CRPPA: variants seen among roughly 807,000 people sequenced by gnomAD.
CRPPA encodes the protein D-ribitol-5-phosphate cytidylyltransferase.
Under a neutral mutation model 52.0 loss-of-function variants are expected in CRPPA, and 43 were observed. The ratio of observed to expected loss-of-function variants is 0.83; its 90% CI spans 0.65 to 1.07. CRPPA has a LOEUF of 1.07. Among genes scored for constraint, CRPPA ranks in the 50% least tolerant of loss-of-function variants. The pLI, the probability that CRPPA is intolerant of heterozygous loss-of-function variation, is 0.00. For missense variants in CRPPA, 629 were observed against 551.7 expected (o/e 1.14, Z -1.40); for synonymous variants, 250 against 203.5 (o/e 1.23, Z -1.94).
intron 3 of CRPPA, among the ~76,000 whole-genome samples, chr7:16,359,026 G>A (rs1029713676): frequency 1.3e-5 from 2 of 152,212 alleles, no homozygotes; most frequent in Non-Finnish European, 2.9e-5. Context: ...GTGTATGAAT[G>A]CAACAAAACT....
At chr7:16,352,043 G>C (rs965579930) in intron 3 of CRPPA, among the ~76,000 whole-genome samples, 1 of 152,102 alleles carries the variant, frequency 6.6e-6, no homozygotes, top group African/African-American at 2.4e-5. Context: ...ACTGGATAAA[G>C]AAAATGTGGC....
At chr7:16,254,063 G>A (rs953901045) in intron 8 of CRPPA, among the ~76,000 whole-genome samples, 6 of 152,104 alleles carry the variant, frequency 3.9e-5, no homozygotes, top group Non-Finnish European at 7.4e-5. Flanking sequence ...AGTTAGAATG[G>A]CGATCATTAA....
rs1214967656 is a variant in CRPPA, at chr7:16,387,086, T to TATAC, written c.535-10846_535-10845insGTAT. 5.0e-3 allele frequency among the ~76,000 whole-genome samples: 278 copies of TATAC among 55,610 alleles called. 3 individuals are homozygous for TATAC. Among genetic ancestry groups the TATAC allele is most frequent in the South Asian group, 8.1e-3 (15 of 1,854 alleles). The allele number at this position is 55,610 out of a possible 152,430, so 36.5% of individuals were successfully genotyped here. ...ATATATATATATATATATATATATA[T>TATAC]ACACACATATATATATGTATATACA... On this transcript the variant is annotated intron_variant, in intron 2 of 9. Coordinates refer to ENST00000407010, the MANE Select transcript of CRPPA (RefSeq NM_001101426.4).
intron 3 of CRPPA, among the ~76,000 whole-genome samples, chr7:16,355,816 G>T (rs1252898195): frequency 2.0e-5 from 3 of 152,146 alleles, no homozygotes; most frequent in African/African-American, 4.8e-5. Context: ...TCCTAGCAAA[G>T]GGGCCGCCCA....
chr7:16,223,028 A>T (rs1400340541), intron 8 of CRPPA, among the ~76,000 whole-genome samples: 2 of 151,972 alleles, frequency 1.3e-5, no homozygotes, highest in Admixed American at 1.3e-4. Flanking sequence ...ATGGTGGCTC[A>T]TTCCTGTAAT....
chr7:16,284,332 G>A (rs1784379597), intron 5 of CRPPA, among the ~76,000 whole-genome samples: 2 of 152,200 alleles, frequency 1.3e-5, no homozygotes, highest in Middle Eastern at 3.4e-3. Context: ...GGCAGGAGAT[G>A]TGTGTAAAAG....
chr7:16,398,345 G>T (rs79160554), intron 2 of CRPPA, among the ~76,000 whole-genome samples: 1 of 69,604 alleles, frequency 1.4e-5, no homozygotes, highest in East Asian at 5.0e-4. Context: ...TTATCAACAC[G>T]TGTGACATGT....
chr7:16,092,015 C>A (rs1380274831), intron 9 of CRPPA, among the ~76,000 whole-genome samples: 1 of 152,134 alleles, frequency 6.6e-6, no homozygotes, highest in Non-Finnish European at 1.5e-5. Flanking sequence ...GCTTAAGATG[C>A]AAGGAAAAAC....
intron 9 of CRPPA, among the ~76,000 whole-genome samples, chr7:16,109,178 C>G (rs926338702): frequency 4.0e-5 from 6 of 151,418 alleles, no homozygotes; most frequent in Non-Finnish European, 5.9e-5. Context: ...AACCTTTAGG[C>G]AGAGTAAGAG....
intron 3 of CRPPA, among the ~76,000 whole-genome samples, chr7:16,337,522 T>C (rs59640432): frequency 0.26 from 39,678 of 151,624 alleles, 5,227 homozygotes; most frequent in Non-Finnish European, 0.3. Context: ...ACAACCAAAA[T>C]TTAGAAAAAG....
chr7:16,209,273 C>CTTTTTTTTTTTTTTTTTTTTTTTT lies in CRPPA; in HGVS notation c.1251+6792_1251+6793insAAAAAAAAAAAAAAAAAAAAAAAA, dbSNP rs34795937. The CTTTTTTTTTTTTTTTTTTTTTTTT allele has an allele frequency of 2.5e-3, 304 of 123,008 alleles. 40 individuals are homozygous for CTTTTTTTTTTTTTTTTTTTTTTTT. The highest frequency in any genetic ancestry group is 4.3e-3 in the Middle Eastern group (1 of 234). 7.6% of individuals were successfully genotyped at this position (123,008 alleles called of 1,614,324 possible). On this transcript the variant is annotated intron_variant, in intron 9 of 9. Transcript: ENST00000407010. ...GGCCAAGTAATACGGTTCTAAGTGT[C>CTTTTTTTTTTTTTTTTTTTTTTTT]TTTTTTTTTTTTTTTTTGAGACGAG...
At chr7:16,104,563 T>C (rs1357196317) in intron 9 of CRPPA, among the ~76,000 whole-genome samples, 1 of 152,218 alleles carries the variant, frequency 6.6e-6, no homozygotes, top group Admixed American at 6.5e-5. Context: ...AATAATCTTG[T>C]GTCAGAAGAG....
At chr7:16,218,901 A>C (rs947858592) in intron 8 of CRPPA, among the ~76,000 whole-genome samples, 1 of 151,858 alleles carries the variant, frequency 6.6e-6, no homozygotes, top group African/African-American at 2.4e-5. Context: ...AAAGTCAACA[A>C]GGATACTCAG....
chr7:16,186,798 G>C (rs1325219157), intron 9 of CRPPA, among the ~76,000 whole-genome samples: 1 of 137,150 alleles, frequency 7.3e-6, no homozygotes, highest in Non-Finnish European at 1.6e-5. Context: ...AGAGGATATA[G>C]CAGATATAAC....
intron 8 of CRPPA, among the ~76,000 whole-genome samples, chr7:16,244,626 C>T (rs76563131): frequency 0.07 from 10,586 of 152,230 alleles, 444 homozygotes; most frequent in East Asian, 0.15. Context: ...CATTCAGCCT[C>T]ATTTTTCTTT....
chr7:16,303,491 A>AAACAAAAAAC (rs1554317853), intron 4 of CRPPA, among the ~76,000 whole-genome samples: 11 of 124,936 alleles, frequency 8.8e-5, no homozygotes, highest in Non-Finnish European at 1.9e-4. Flanking sequence ...AAAAAAAAAA[A>AAACAAAAAAC]AAAAAAAAAA....
At chr7:16,319,846 T>G (rs1046532803) in intron 3 of CRPPA, among the ~76,000 whole-genome samples, 2 of 152,140 alleles carry the variant, frequency 1.3e-5, no homozygotes, top group African/African-American at 4.8e-5. Context: ...AGGGTGGTCA[T>G]AGATTAGGAA....
chr7:16,272,588 C>T (rs1160193822), intron 6 of CRPPA, among the ~76,000 whole-genome samples: 1 of 152,022 alleles, frequency 6.6e-6, no homozygotes, highest in Non-Finnish European at 1.5e-5. Context: ...GAATACGTTG[C>T]ATTTTGTATT....
At chr7:16,244,414 G>A (rs1421779403) in intron 8 of CRPPA, among the ~76,000 whole-genome samples, 1 of 152,106 alleles carries the variant, frequency 6.6e-6, no homozygotes, top group East Asian at 1.9e-4. Context: ...TCTTCCAGGA[G>A]AAATAATATA....
Sources: gnomAD v4.1 joint callset for allele counts (sites outside exome capture counted in the v4.1 genomes callset) on GRCh38, gnomAD v4.1.1 for gene constraint, MANE v1.5 for transcripts, NCBI Gene and HGNC (gene_info 2026-07-23, HGNC 2026-07-21) for gene names.